CCSER1: variants seen among roughly 807,000 people sequenced by gnomAD.
CCSER1 encodes the protein serine-rich coiled-coil domain-containing protein 1.
CCSER1 carries 41 observed loss-of-function variants against 82.0 expected under a neutral mutation model. The ratio of observed to expected loss-of-function variants is 0.50; its 90% CI spans 0.39 to 0.65. The LOEUF (loss-of-function observed/expected upper bound fraction) is 0.65. Ranked by LOEUF, CCSER1 falls within the 30% of genes least tolerant of loss-of-function variation. The pLI is 0.00. For missense variants in CCSER1, 1,119 were observed against 1,064.2 expected, an observed-to-expected ratio of 1.05 and a Z score of -0.72; for synonymous variants, 414 against 383.9, an observed-to-expected ratio of 1.08 and a Z score of -0.92.
chr4:90,209,707 G>C (rs2153413266), intron 1 of CCSER1, among the ~76,000 whole-genome samples: 1 of 150,650 alleles, frequency 6.6e-6, no homozygotes, highest in East Asian at 1.9e-4. Context: ...TAAATCTTTA[G>C]GACTTCCTTT....
At chr4:90,896,293 G>A (rs1246547278) in intron 8 of CCSER1, among the ~76,000 whole-genome samples, 2 of 151,864 alleles carry the variant, frequency 1.3e-5, no homozygotes, top group African/African-American at 2.4e-5. Context: ...TGCCTAGTAG[G>A]CAAACTGACA....
intron 10 of CCSER1, among the ~76,000 whole-genome samples, chr4:91,293,212 A>G (rs976504158): frequency 1.3e-5 from 2 of 151,930 alleles, no homozygotes; most frequent in Non-Finnish European, 2.9e-5. Context: ...ACCATCCACT[A>G]CAACCCTTGT....
intron 10 of CCSER1, among the ~76,000 whole-genome samples, chr4:91,350,540 A>G (rs1388142474): frequency 6.6e-6 from 1 of 152,144 alleles, no homozygotes; most frequent in East Asian, 1.9e-4. Context: ...TCACCAGAGG[A>G]AAATGATGTA....
chr4:90,353,868 GTA>G (rs1479203257), intron 3 of CCSER1, among the ~76,000 whole-genome samples: 1 of 152,246 alleles, frequency 6.6e-6, no homozygotes, highest in East Asian at 1.9e-4. Context: ...TATGGAAAGA[GTA>G]TGACATTCCT....
intron 6 of CCSER1, among the ~76,000 whole-genome samples, chr4:90,652,371 A>G (rs1035958603): frequency 7.9e-5 from 12 of 152,190 alleles, no homozygotes; most frequent in Admixed American, 2.0e-4. Flanking sequence ...TAGAAATAAT[A>G]CTAAAATACT....
At chr4:90,511,751 G>A (rs1467368951) in intron 5 of CCSER1, among the ~76,000 whole-genome samples, 3 of 152,174 alleles carry the variant, frequency 2.0e-5, no homozygotes, top group Non-Finnish European at 2.9e-5. Flanking sequence ...AGAACAAAAT[G>A]ATGGTATGGG....
intron 10 of CCSER1, among the ~76,000 whole-genome samples, chr4:91,175,778 T>C (rs1733271988): frequency 6.6e-6 from 1 of 152,226 alleles, no homozygotes; most frequent in Non-Finnish European, 1.5e-5. Context: ...GTAGGTTGCC[T>C]ATTCACTCTG....
chr4:90,892,408 T>C (rs963482823), intron 8 of CCSER1, among the ~76,000 whole-genome samples: 1 of 152,042 alleles, frequency 6.6e-6, no homozygotes, highest in Non-Finnish European at 1.5e-5. Flanking sequence ...TTTTGCTTAT[T>C]TGCCTGCTTT....
intron 10 of CCSER1, among the ~76,000 whole-genome samples, chr4:91,185,826 G>A (rs956886705): frequency 1.3e-5 from 2 of 152,078 alleles, no homozygotes; most frequent in African/African-American, 4.8e-5. Context: ...ACAAGCTCCA[G>A]GAAATGGAGT....
At chr4:91,304,926 C>A (rs1055682144) in intron 10 of CCSER1, among the ~76,000 whole-genome samples, 1 of 151,842 alleles carries the variant, frequency 6.6e-6, no homozygotes, top group Non-Finnish European at 1.5e-5. Context: ...TTCTTATTTC[C>A]GTAGAAAGCA....
chr4:91,421,820 C>A (rs370036593), intron 10 of CCSER1, among the ~76,000 whole-genome samples: 14 of 148,702 alleles, frequency 9.4e-5, no homozygotes, highest in South Asian at 2.1e-4. Context: ...AAAAAAAAAA[C>A]CACAATGAGA....
chr4:90,262,489 G>A (rs1015516192), intron 1 of CCSER1, among the ~76,000 whole-genome samples: 7 of 152,048 alleles, frequency 4.6e-5, no homozygotes, highest in South Asian at 2.1e-4. Context: ...TTGCCCCATC[G>A]TATGCATTTT....
chr4:90,636,531 A>G (rs1286335958), intron 6 of CCSER1, among the ~76,000 whole-genome samples: 1 of 152,128 alleles, frequency 6.6e-6, no homozygotes, highest in Admixed American at 6.6e-5. Context: ...ATTTGCTTTC[A>G]TTCCAGTTTT....
intron 4 of CCSER1, among the ~76,000 whole-genome samples, chr4:90,428,273 G>A (rs10001619): frequency 0.018 from 2,687 of 151,650 alleles, 34 homozygotes; most frequent in African/African-American, 0.038. Context: ...TCAACAAAAA[G>A]AAAGAAAGAA....
At chr4:90,593,284 T>C (rs1782926164) in intron 5 of CCSER1, among the ~76,000 whole-genome samples, 1 of 152,098 alleles carries the variant, frequency 6.6e-6, no homozygotes, top group South Asian at 2.1e-4. Context: ...ACCAGTTAAA[T>C]CATAGTGTTA....
chr4:91,348,611 T>A (rs1037184253), intron 10 of CCSER1, among the ~76,000 whole-genome samples: 10 of 152,328 alleles, frequency 6.6e-5, no homozygotes, highest in African/African-American at 1.7e-4. Context: ...TTTGGAATGT[T>A]ATTATTTACT....
chr4:90,181,892 T>C (rs2153386128), intron 1 of CCSER1, among the ~76,000 whole-genome samples: 1 of 152,206 alleles, frequency 6.6e-6, no homozygotes, highest in East Asian at 1.9e-4. Flanking sequence ...CCACAGCCCA[T>C]AAAAGAAGTC....
rs184778641 is a variant in CCSER1, at chr4:90,840,492, C to A, written c.2094+24647C>A. Among the ~76,000 whole-genome samples, 335 of 152,246 alleles carry A rather than the reference C, an allele frequency of 2.2e-3. 2 individuals carry two copies. Among genetic ancestry groups the A allele is most frequent in the African/African-American group, 7.6e-3 (315 of 41,540 alleles). On this transcript the variant is annotated intron_variant, in intron 8 of 10. Transcript: ENST00000509176. ...CTAGCCTGGAGTGTTTCACATTTTT[C>A]TAGCTTTGTGATTACATCCTCCCAC...
intron 10 of CCSER1, among the ~76,000 whole-genome samples, chr4:91,588,508 G>T (rs909140557): frequency 2.0e-5 from 3 of 151,540 alleles, no homozygotes; most frequent in African/African-American, 7.3e-5. Context: ...TTAATTCCCT[G>T]CTGTGTCTTA....
Sources: gnomAD v4.1 joint callset for allele counts (sites outside exome capture counted in the v4.1 genomes callset) on GRCh38, gnomAD v4.1.1 for gene constraint, MANE v1.5 for transcripts, NCBI Gene and HGNC (gene_info 2026-07-23, HGNC 2026-07-21) for gene names.